The following USH2A variants were observed in gnomAD, a reference collection of about 807,000 sequenced individuals.
The protein encoded by USH2A is usherin, also known as Usher syndrome 2A (autosomal recessive, mild).
Under a neutral mutation model 538.9 loss-of-function variants are expected in USH2A, and 443 were observed. The observed-to-expected ratio is 0.82, with a 90% CI of 0.76 to 0.89. The LOEUF (loss-of-function observed/expected upper bound fraction) is 0.89. USH2A is among the 40% of genes least tolerant of loss of function. The probability of loss-of-function intolerance (pLI) is 0.00; values close to 1 mark genes in which losing one functional copy is unlikely to be tolerated. For missense variants in USH2A, 6,633 were observed against 6,324.8 expected, an observed-to-expected ratio of 1.05 and a Z score of -1.65; for synonymous variants, 2,413 against 2,273.5, an observed-to-expected ratio of 1.06 and a Z score of -1.75.
intron 56 of USH2A, among the ~76,000 whole-genome samples, chr1:215,764,534 G>A (rs1030818660): frequency 2.0e-5 from 3 of 152,134 alleles, no homozygotes; most frequent in South Asian, 2.1e-4. Flanking sequence ...TGTCCAACTT[G>A]TCAATGAGGT....
At chr1:216,145,235 C>T (rs181734184) in intron 21 of USH2A, among the ~76,000 whole-genome samples, 21 of 152,262 alleles carry the variant, frequency 1.4e-4, no homozygotes, top group African/African-American at 4.6e-4. Context: ...AATTCTCATG[C>T]GAACAGAATC....
At chr1:216,230,556 A>G (rs1418006336) in intron 14 of USH2A, among the ~76,000 whole-genome samples, 1 of 152,188 alleles carries the variant, frequency 6.6e-6, no homozygotes, top group East Asian at 1.9e-4. Context: ...CAAATTTTAA[A>G]AGAAAGTCAA....
At chr1:215,876,037 G>A (rs1236391816) in intron 43 of USH2A, among the ~76,000 whole-genome samples, 1 of 151,222 alleles carries the variant, frequency 6.6e-6, no homozygotes, top group Non-Finnish European at 1.5e-5. Flanking sequence ...TAAGTTCTTT[G>A]AGGTCAAGGG....
At chr1:215,882,809 T>C (rs1247525375) in intron 41 of USH2A, among the ~76,000 whole-genome samples, 2 of 152,182 alleles carry the variant, frequency 1.3e-5, no homozygotes, top group Non-Finnish European at 2.9e-5. Context: ...AATATTCCTT[T>C]CATGGTTGAA....
chr1:216,113,219 A>T (rs1188573858), intron 21 of USH2A, among the ~76,000 whole-genome samples: 1 of 151,780 alleles, frequency 6.6e-6, no homozygotes, highest in Non-Finnish European at 1.5e-5. Flanking sequence ...TATAGTGCTG[A>T]TTTCCTGAGC....
chr1:215,857,031 A>G (rs892949034), intron 44 of USH2A, among the ~76,000 whole-genome samples: 6 of 152,312 alleles, frequency 3.9e-5, no homozygotes, highest in South Asian at 2.1e-4. Context: ...ATGCAAAGGC[A>G]TAAGAATGAT....
At chr1:215,768,917 C>T (rs1026130178) in intron 55 of USH2A, among the ~76,000 whole-genome samples, 2 of 152,136 alleles carry the variant, frequency 1.3e-5, no homozygotes, top group Non-Finnish European at 2.9e-5. Flanking sequence ...CATTTTTAGG[C>T]ATTCAATGTT....
intron 44 of USH2A, among the ~76,000 whole-genome samples, chr1:215,858,857 C>A: frequency 6.6e-6 from 1 of 152,082 alleles, no homozygotes; most frequent in South Asian, 2.1e-4. Context: ...GCTCGGGCTG[C>A]CTTAACAAAA....
At chr1:216,195,947 T>A (rs1468265576) in intron 19 of USH2A, 2 of 169,968 alleles carry the variant, frequency 1.2e-5, no homozygotes, top group Non-Finnish European at 2.8e-5. Flanking sequence ...ATGAATTAGT[T>A]CACGTACACA....
In USH2A at chr1:216,161,775, G is replaced by T. The variant is rs577743339; in HGVS notation, c.4627+13477C>A. ...ATCATTTTTGATGGATATGTTTCCT[G>T]GGTACAGAAATCTTGACTGGTAGTT... On this transcript the variant is annotated intron_variant, in intron 21 of 71. Transcript: ENST00000307340. Among the ~76,000 whole-genome samples the T allele has an allele frequency of 4.8e-3, 725 of 151,984 alleles. 6 individuals carry two copies. The highest frequency in any genetic ancestry group is 0.01 in the Middle Eastern group (3 of 294).
At chr1:215,960,159 T>C (rs1013861165) in intron 37 of USH2A, among the ~76,000 whole-genome samples, 1 of 152,154 alleles carries the variant, frequency 6.6e-6, no homozygotes, top group African/African-American at 2.4e-5. Context: ...TAGGTTGTTT[T>C]ATATTTGTAG....
chr1:216,144,204 C>T (rs1412373312), intron 21 of USH2A, among the ~76,000 whole-genome samples: 2 of 152,138 alleles, frequency 1.3e-5, no homozygotes, highest in African/African-American at 4.8e-5. Flanking sequence ...TCTTCCCTGG[C>T]TATTCAGATG....
chr1:216,229,197 T>A (rs1374328406), intron 14 of USH2A, among the ~76,000 whole-genome samples: 1 of 151,940 alleles, frequency 6.6e-6, no homozygotes, highest in Non-Finnish European at 1.5e-5. Context: ...CCACACTTAA[T>A]CTGAATCATT....
At chr1:216,167,622 C>T (rs759582455) in intron 21 of USH2A, among the ~76,000 whole-genome samples, 4 of 152,088 alleles carry the variant, frequency 2.6e-5, no homozygotes, top group Non-Finnish European at 4.4e-5. Flanking sequence ...GGAGAAGGGA[C>T]GCAAGACCTC....
At chr1:215,911,522 C>T (rs1665782075) in intron 38 of USH2A, among the ~76,000 whole-genome samples, 1 of 152,082 alleles carries the variant, frequency 6.6e-6, no homozygotes, top group South Asian at 2.1e-4. Context: ...CAAATTCTTG[C>T]AAATGACTGG....
chr1:215,978,197 A>G (rs1667666983), intron 35 of USH2A, among the ~76,000 whole-genome samples: 1 of 152,142 alleles, frequency 6.6e-6, no homozygotes, highest in African/African-American at 2.4e-5. Context: ...TTTATGCATT[A>G]TTTTCTTTAA....
chr1:215,909,341 G>A (rs1214684356), intron 38 of USH2A, among the ~76,000 whole-genome samples: 2 of 151,862 alleles, frequency 1.3e-5, no homozygotes, highest in African/African-American at 2.4e-5. Flanking sequence ...GAGCAGTGAA[G>A]CTACTTCATA....
At chr1:215,919,005 T>C (rs1382305039) in intron 38 of USH2A, among the ~76,000 whole-genome samples, 2 of 152,100 alleles carry the variant, frequency 1.3e-5, no homozygotes, top group African/African-American at 4.8e-5. Flanking sequence ...AACGCTTCTT[T>C]TATTTTTATA....
At chr1:215,992,527 A>T (rs569211215) in intron 35 of USH2A, among the ~76,000 whole-genome samples, 145 of 152,338 alleles carry the variant, frequency 9.5e-4, no homozygotes, top group African/African-American at 3.3e-3. Flanking sequence ...TGCATTGTTT[A>T]AAAACAGCAT....
Sources: gnomAD v4.1 joint callset for allele counts (sites outside exome capture counted in the v4.1 genomes callset) on GRCh38, gnomAD v4.1.1 for gene constraint, MANE v1.5 for transcripts, NCBI Gene and HGNC (gene_info 2026-07-23, HGNC 2026-07-21) for gene names.